Variants in ZFAT observed in about 807,000 individuals in gnomAD.
The protein encoded by ZFAT is zinc finger and AT-hook domain containing.
In ZFAT, 64 loss-of-function variants were observed where a neutral mutation model predicts 117.7. That is an observed-to-expected ratio of 0.54 (90% CI 0.44 to 0.67). The LOEUF is 0.67. Among genes scored for constraint, ZFAT ranks in the 30% least tolerant of loss-of-function variants. The pLI, the probability that ZFAT is intolerant of heterozygous loss-of-function variation, is 0.00. For synonymous variants in ZFAT, 679 were observed against 615.0 expected (o/e 1.10, Z -1.54); for missense variants, 1,433 against 1,584.5 (o/e 0.90, Z 1.62).
At chr8:134,788,859 C>A in the ZFAT span, among the ~76,000 whole-genome samples, 1 of 152,132 alleles carries the variant, frequency 6.6e-6, no homozygotes, top group Non-Finnish European at 1.5e-5. Context: ...CCTTAAATCT[C>A]ATTGCCTGAC....
chr8:134,525,632 T>C (rs1309104996), intron 12 of ZFAT, among the ~76,000 whole-genome samples: 2 of 152,190 alleles, frequency 1.3e-5, no homozygotes, highest in East Asian at 3.8e-4. Context: ...TTCTGTTCTA[T>C]CAGCTGAGGT....
At chr8:134,545,025 T>C (rs562729957) in intron 11 of ZFAT, among the ~76,000 whole-genome samples, 1 of 152,094 alleles carries the variant, frequency 6.6e-6, no homozygotes, top group Non-Finnish European at 1.5e-5. Flanking sequence ...ACTGAGCTCA[T>C]AAAAGCAACA....
the ZFAT span, among the ~76,000 whole-genome samples, chr8:134,736,005 C>G: frequency 2.0e-5 from 3 of 152,088 alleles, no homozygotes; most frequent in African/African-American, 7.2e-5. Context: ...GTCAAGCAGG[C>G]AAGGTTAAGG....
chr8:134,776,888 A>G, the ZFAT span, among the ~76,000 whole-genome samples: 2 of 152,240 alleles, frequency 1.3e-5, no homozygotes, highest in East Asian at 3.9e-4. Flanking sequence ...GCTTTTGTGT[A>G]CTTAATACAT....
intron 1 of ZFAT, among the ~76,000 whole-genome samples, chr8:134,671,490 CAA>C (rs1832560483): frequency 6.6e-6 from 1 of 152,170 alleles, no homozygotes; most frequent in Non-Finnish European, 1.5e-5. Context: ...TAAACAGAAA[CAA>C]AGACAAAAAC....
chr8:134,720,761 A>G, the ZFAT span, among the ~76,000 whole-genome samples: 1 of 152,244 alleles, frequency 6.6e-6, no homozygotes, highest in Admixed American at 6.5e-5. Context: ...CTACTGTCAG[A>G]CCACATACAC....
At chr8:134,649,513 G>A (rs1831111354) in intron 2 of ZFAT, among the ~76,000 whole-genome samples, 1 of 152,056 alleles carries the variant, frequency 6.6e-6, no homozygotes, top group Admixed American at 6.6e-5. Context: ...CAGCAAAATT[G>A]CAGGATAAAA....
At chr8:134,727,817 G>A in the ZFAT span, among the ~76,000 whole-genome samples, 1 of 152,212 alleles carries the variant, frequency 6.6e-6, no homozygotes, top group Non-Finnish European at 1.5e-5. Context: ...CCCTGTGGCT[G>A]TGTGCCAATA....
intron 10 of ZFAT, among the ~76,000 whole-genome samples, chr8:134,574,738 G>C (rs996178743): frequency 6.6e-6 from 1 of 152,030 alleles, no homozygotes; most frequent in Non-Finnish European, 1.5e-5. Flanking sequence ...AGTACTTAGA[G>C]GAAAGAATTT....
At chr8:134,655,803 T>C (rs185892999) in intron 2 of ZFAT, among the ~76,000 whole-genome samples, 1 of 152,322 alleles carries the variant, frequency 6.6e-6, no homozygotes, top group African/African-American at 2.4e-5. Context: ...ATCTGCCATA[T>C]GAATTGGACA....
At chr8:134,482,517 T>C (rs1817388699) in intron 15 of ZFAT, among the ~76,000 whole-genome samples, 1 of 152,244 alleles carries the variant, frequency 6.6e-6, no homozygotes, top group African/African-American at 2.4e-5. Flanking sequence ...GAAGCCCTCC[T>C]GAGAAGTATG....
intron 13 of ZFAT, among the ~76,000 whole-genome samples, chr8:134,519,387 G>A (rs1046830740): frequency 1.3e-5 from 2 of 152,048 alleles, no homozygotes; most frequent in Admixed American, 1.3e-4. Context: ...TTTGTTTCCT[G>A]TATCAAATGG....
At chr8:134,831,361 T>A in the ZFAT span, among the ~76,000 whole-genome samples, 2 of 152,210 alleles carry the variant, frequency 1.3e-5, no homozygotes, top group African/African-American at 4.8e-5. Flanking sequence ...CCCAAGTAAC[T>A]TTTTTATCAT....
At chr8:134,561,578 A>G (rs1824052490) in intron 11 of ZFAT, among the ~76,000 whole-genome samples, 1 of 152,244 alleles carries the variant, frequency 6.6e-6, no homozygotes, top group African/African-American at 2.4e-5. Flanking sequence ...GTATACAAAT[A>G]AGAAATATGT....
intron 1 of ZFAT, among the ~76,000 whole-genome samples, chr8:134,664,324 T>C (rs989531292): frequency 1.3e-5 from 2 of 152,120 alleles, no homozygotes; most frequent in Non-Finnish European, 2.9e-5. Context: ...CCACATGGCC[T>C]GTCCAGGGTC....
intron 1 of ZFAT, among the ~76,000 whole-genome samples, chr8:134,682,435 C>T (rs183804286): frequency 2.0e-5 from 3 of 152,140 alleles, no homozygotes; most frequent in East Asian, 3.8e-4. Flanking sequence ...GCAGGCAGAT[C>T]GCTTGAGCTC....
chr8:134,563,567 ATGCAGG>A (rs1384269123), intron 11 of ZFAT, among the ~76,000 whole-genome samples: 1 of 152,352 alleles, frequency 6.6e-6, no homozygotes, highest in East Asian at 1.9e-4. Context: ...GAAGTGCTGA[ATGCAGG>A]TGAGTCAATA....
At chr8:134,816,519 G>C in the ZFAT span, among the ~76,000 whole-genome samples, 1 of 151,628 alleles carries the variant, frequency 6.6e-6, no homozygotes, top group Non-Finnish European at 1.5e-5. Flanking sequence ...AACAACATTA[G>C]GACTTTTCTT....
the ZFAT span, among the ~76,000 whole-genome samples, chr8:134,734,307 C>T: frequency 1.3e-5 from 2 of 152,330 alleles, no homozygotes; most frequent in East Asian, 3.9e-4. Flanking sequence ...CTTCGGGCTG[C>T]TCCCTCCACT....
Sources: allele counts gnomAD v4.1 joint callset (sites outside exome capture counted in the v4.1 genomes callset), GRCh38; gene constraint gnomAD v4.1.1; transcripts MANE v1.5; gene names NCBI Gene and HGNC (gene_info 2026-07-23, HGNC 2026-07-21).